CSGALNACT1: variants seen among roughly 807,000 people sequenced by gnomAD.
CSGALNACT1 encodes the protein chondroitin sulfate N-acetylgalactosaminyltransferase 1.
Under a neutral mutation model 51.0 loss-of-function variants are expected in CSGALNACT1, and 52 were observed. That is an observed-to-expected ratio of 1.02 (90% CI 0.82 to 1.29). The LOEUF is 1.29. Among genes scored for constraint, CSGALNACT1 ranks in the 50% most tolerant of loss-of-function variants. CSGALNACT1 has a pLI of 0.00. For synonymous variants in CSGALNACT1, 341 were observed against 254.4 expected (o/e 1.34, Z -3.24); for missense variants, 935 against 679.2 (o/e 1.38, Z -4.19).
At chr8:19,597,602 G>C (rs1048087888) in intron 2 of CSGALNACT1, among the ~76,000 whole-genome samples, 1 of 152,102 alleles carries the variant, frequency 6.6e-6, no homozygotes, top group African/African-American at 2.4e-5. Flanking sequence ...ACAGCACTCA[G>C]CCTTCACTTA....
chr8:19,625,594 G>A (rs2054345613), intron 1 of CSGALNACT1, among the ~76,000 whole-genome samples: 1 of 152,192 alleles, frequency 6.6e-6, no homozygotes, highest in African/African-American at 2.4e-5. Context: ...CAGGGCTGGA[G>A]TATAGGAATC....
chr8:19,695,777 G>T (rs2061550876), intron 1 of CSGALNACT1, among the ~76,000 whole-genome samples: 1 of 152,078 alleles, frequency 6.6e-6, no homozygotes, highest in Non-Finnish European at 1.5e-5. Context: ...AAGAGTTTGT[G>T]GAGTCAAAAA....
intron 1 of CSGALNACT1, among the ~76,000 whole-genome samples, chr8:19,739,514 A>T (rs2064181215): frequency 6.6e-6 from 1 of 152,206 alleles, no homozygotes; most frequent in Admixed American, 6.5e-5. Context: ...CTTCACAAAA[A>T]GAATCACAGC....
At chr8:19,576,355 G>C (rs936844196) in intron 3 of CSGALNACT1, among the ~76,000 whole-genome samples, 35 of 152,000 alleles carry the variant, frequency 2.3e-4, no homozygotes, top group Non-Finnish European at 1.5e-5. Context: ...TTCACACCTG[G>C]CTAATTTTTG....
intron 3 of CSGALNACT1, among the ~76,000 whole-genome samples, chr8:19,563,751 C>G (rs905955377): frequency 1.3e-5 from 2 of 152,188 alleles, no homozygotes; most frequent in African/African-American, 4.8e-5. Flanking sequence ...CCTCCTAACA[C>G]AAGTCTGCTC....
chr8:19,505,295 C>T (rs752368454), exon 4 of CSGALNACT1: 2 of 1,614,046 alleles, frequency 1.2e-6, no homozygotes, highest in East Asian at 2.2e-5. Flanking sequence ...TGGCTTCCAC[C>T]AACTCATCCC....
intron 4 of CSGALNACT1, among the ~76,000 whole-genome samples, chr8:19,471,905 C>T (rs1012918626): frequency 6.6e-6 from 1 of 152,198 alleles, no homozygotes; most frequent in Non-Finnish European, 1.5e-5. Flanking sequence ...TCAATGCTGT[C>T]TCTAGAGCTG....
chr8:19,444,663 T>C (rs1421413208), intron 5 of CSGALNACT1, among the ~76,000 whole-genome samples: 1 of 152,240 alleles, frequency 6.6e-6, no homozygotes, highest in Non-Finnish European at 1.5e-5. Flanking sequence ...ATGCTTTTAA[T>C]GATGACACCT....
chr8:19,501,401 G>A (rs1035234256), intron 4 of CSGALNACT1, among the ~76,000 whole-genome samples: 11 of 152,114 alleles, frequency 7.2e-5, no homozygotes, highest in African/African-American at 1.9e-4. Context: ...ATGCTATCAC[G>A]TTGGCAACAT....
chr8:19,540,076 C>T (rs986022703), intron 3 of CSGALNACT1, among the ~76,000 whole-genome samples: 7 of 152,164 alleles, frequency 4.6e-5, no homozygotes, highest in East Asian at 1.9e-4. Context: ...GAATTCCTAA[C>T]GCTAAACAAC....
At chr8:19,449,061 T>A (rs1023330056) in intron 5 of CSGALNACT1, among the ~76,000 whole-genome samples, 1 of 152,174 alleles carries the variant, frequency 6.6e-6, no homozygotes, top group African/African-American at 2.4e-5. Flanking sequence ...TTGAGTAGTC[T>A]GATCAGTGTT....
intron 3 of CSGALNACT1, among the ~76,000 whole-genome samples, chr8:19,547,797 A>C (rs1014536137): frequency 6.6e-6 from 1 of 152,354 alleles, no homozygotes; most frequent in South Asian, 2.1e-4. Flanking sequence ...TTTGTACAAT[A>C]AATTCCTTAC....
At chr8:19,661,307 C>G (rs1048011641) in intron 1 of CSGALNACT1, among the ~76,000 whole-genome samples, 1 of 152,204 alleles carries the variant, frequency 6.6e-6, no homozygotes, top group Non-Finnish European at 1.5e-5. Context: ...GGCAGGGACT[C>G]TGCCTAGAGC....
intron 4 of CSGALNACT1, among the ~76,000 whole-genome samples, chr8:19,461,743 C>T (rs1023651438): frequency 1.1e-4 from 17 of 151,470 alleles, no homozygotes; most frequent in African/African-American, 4.1e-4. Context: ...ATCCGCACAG[C>T]GGCCACATTC....
chr8:19,405,139 G>A (rs560022337), exon 10 of CSGALNACT1: 1 of 450,924 alleles, frequency 2.2e-6, no homozygotes, highest in East Asian at 7.0e-5. Flanking sequence ...AACTCACAAG[G>A]GAAAAAAAGT....
chr8:19,739,329 C>T (rs915389355), intron 1 of CSGALNACT1, among the ~76,000 whole-genome samples: 2 of 152,030 alleles, frequency 1.3e-5, no homozygotes, highest in African/African-American at 4.8e-5. Flanking sequence ...AGTAAGACTT[C>T]CTGCTGCATC....
chr8:19,731,820 T>C (rs2063710061), intron 1 of CSGALNACT1, among the ~76,000 whole-genome samples: 1 of 152,236 alleles, frequency 6.6e-6, no homozygotes, highest in African/African-American at 2.4e-5. Flanking sequence ...CAGCATCCTC[T>C]ATAATTGTAT....
intron 3 of CSGALNACT1, chr8:19,585,366 A>C (rs1396721160): frequency 6.6e-6 from 1 of 152,250 alleles, no homozygotes; most frequent in Non-Finnish European, 1.5e-5. Flanking sequence ...AAGGAAAGAC[A>C]CAAACGTCCT....
At chr8:19,420,494 G>A (rs751912498) in exon 7 of CSGALNACT1, 1 of 1,614,094 alleles carries the variant, frequency 6.2e-7, no homozygotes, top group South Asian at 1.1e-5. Flanking sequence ...GCTGGATGAA[G>A]GTAAAGTTCC....
Sources: gnomAD v4.1 joint callset for allele counts (sites outside exome capture counted in the v4.1 genomes callset) on GRCh38, gnomAD v4.1.1 for gene constraint, MANE v1.5 for transcripts, NCBI Gene and HGNC (gene_info 2026-07-23, HGNC 2026-07-21) for gene names.